The following ADAMTS9 variants were observed in gnomAD, a reference collection of about 807,000 sequenced individuals.
ADAMTS9 encodes the protein ADAM metallopeptidase with thrombospondin type 1 motif 9, also known as A disintegrin and metalloproteinase with thrombospondin motifs 9.
ADAMTS9 carries 107 observed loss-of-function variants against 257.1 expected under a neutral mutation model. The ratio of observed to expected loss-of-function variants is 0.42; its 90% CI spans 0.36 to 0.49. The LOEUF (loss-of-function observed/expected upper bound fraction) is 0.49, where lower values mean the gene tolerates loss of function less well. ADAMTS9 is among the 20% of genes least tolerant of loss of function. The probability of loss-of-function intolerance (pLI) is 0.03; values close to 1 mark genes in which losing one functional copy is unlikely to be tolerated. For synonymous variants in ADAMTS9, 982 were observed against 880.9 expected, an observed-to-expected ratio of 1.11 and a Z score of -2.03; for missense variants, 2,353 against 2,469.1, an observed-to-expected ratio of 0.95 and a Z score of 1.00.
intron 38 of ADAMTS9, among the ~76,000 whole-genome samples, chr3:64,531,232 T>C (rs912886524): frequency 6.6e-6 from 1 of 152,144 alleles, no homozygotes; most frequent in African/African-American, 2.4e-5. Context: ...TCCTGGAATG[T>C]CCCAATTGGA....
chr3:64,540,993 TGTG>T, intron 36 of ADAMTS9, 99 bp downstream of exon 36: 1 of 1,452,510 alleles, frequency 6.9e-7, no homozygotes, highest in Non-Finnish European at 9.4e-7. Context: ...CAATGTGCAA[TGTG>T]CAATACGCAC....
chr3:64,653,495 A>G (rs766369470), intron 8 of ADAMTS9, among the ~76,000 whole-genome samples: 4 of 152,188 alleles, frequency 2.6e-5, no homozygotes, highest in Non-Finnish European at 5.9e-5. Flanking sequence ...GTGTATATGC[A>G]TCTCCCTCTG....
chr3:64,634,504 G>C (rs1036210142), intron 12 of ADAMTS9, among the ~76,000 whole-genome samples: 2 of 152,204 alleles, frequency 1.3e-5, no homozygotes, highest in African/African-American at 4.8e-5. Context: ...GAGCATACTG[G>C]TTTCATTAGC....
chr3:64,576,992 C>T (rs564459713), intron 28 of ADAMTS9, among the ~76,000 whole-genome samples: 4 of 152,090 alleles, frequency 2.6e-5, no homozygotes, highest in Non-Finnish European at 2.9e-5. Context: ...CCCCAACCTT[C>T]GATCTCACAA....
chr3:64,655,080 C>T (rs1701028855), intron 6 of ADAMTS9, among the ~76,000 whole-genome samples: 1 of 152,144 alleles, frequency 6.6e-6, no homozygotes, highest in Non-Finnish European at 1.5e-5. Flanking sequence ...TAGTAGCTAC[C>T]ATAGAAAACT....
chr3:64,663,751 A>G lies in ADAMTS9; in HGVS notation c.680-4960T>C, dbSNP rs1701280798. Among the ~76,000 whole-genome samples the G allele has an allele frequency of 3.9e-5, 6 of 152,220 alleles. No individual in the cohort carries two copies. In the South Asian group the frequency reaches 1.2e-3, roughly 32 times the overall value. On this transcript the variant is annotated intron_variant, in intron 3 of 39. Coordinates refer to ENST00000498707, the MANE Select transcript of ADAMTS9 (RefSeq NM_182920.2). ...ACTTTAGGTGGCATGAAAATGTAAA[A>G]CCCAAATTATTTCTTCAGGATCAAA...
At chr3:64,645,504 G>T (rs1357160690) in intron 11 of ADAMTS9, among the ~76,000 whole-genome samples, 1 of 152,132 alleles carries the variant, frequency 6.6e-6, no homozygotes, top group Non-Finnish European at 1.5e-5. Flanking sequence ...GCAGCCAAGG[G>T]AGGCAGAATG....
chr3:64,627,385 GAA>G (rs10718029), intron 16 of ADAMTS9, among the ~76,000 whole-genome samples: 53 of 148,744 alleles, frequency 3.6e-4, no homozygotes, highest in African/African-American at 1.2e-3. Flanking sequence ...ATCATCAGAT[GAA>G]AAAAAAAAAT....
intron 37 of ADAMTS9, among the ~76,000 whole-genome samples, chr3:64,537,673 G>C (rs772328236): frequency 6.6e-6 from 1 of 152,162 alleles, no homozygotes; most frequent in Non-Finnish European, 1.5e-5. Flanking sequence ...GACAGGGCTT[G>C]GGATTCTGAA....
In ADAMTS9 at chr3:64,584,387, A is replaced by C. The variant is rs574333983; in HGVS notation, c.4356+9871T>G. The stretch of plus-strand genomic sequence containing the variant: ...GATGGGGAGGAGGGAGGAGGAGAGA[A>C]GGCTTAGGAAAGAGAAAATCATGGG... On this transcript the variant is annotated intron_variant, in intron 28 of 39. Transcript: ENST00000498707. 3.5e-4 allele frequency among the ~76,000 whole-genome samples: 54 copies of C among 152,164 alleles called. No individual in the cohort carries two copies. The South Asian group carries it at 7.9e-3, about 22-fold the overall frequency.
chr3:64,648,192 AAT>A, intron 10 of ADAMTS9, 148 bp from the exon 11 acceptor site: 1 of 709,274 alleles, frequency 1.4e-6, no homozygotes, highest in Non-Finnish European at 2.3e-6. Context: ...TAAATGCTAA[AAT>A]ATAGACAGCA....
At chr3:64,649,067 A>T (rs1233922500) in intron 10 of ADAMTS9, among the ~76,000 whole-genome samples, 3 of 152,172 alleles carry the variant, frequency 2.0e-5, no homozygotes, top group African/African-American at 7.2e-5. Flanking sequence ...CTGTAACCGG[A>T]TAACTGCTAG....
intron 12 of ADAMTS9, among the ~76,000 whole-genome samples, chr3:64,641,017 GCTGTCTCA>G (rs1158344984): frequency 1.3e-5 from 2 of 152,236 alleles, no homozygotes; most frequent in African/African-American, 2.4e-5. Flanking sequence ...GGGGACCTCA[GCTGTCTCA>G]CCTGTAATAC....
intron 22 of ADAMTS9, among the ~76,000 whole-genome samples, chr3:64,611,974 A>G (rs72890808): frequency 0.033 from 5,102 of 152,310 alleles, 232 homozygotes; most frequent in African/African-American, 0.1. Context: ...TTTCATTTCC[A>G]TTAAAACAAA....
chr3:64,629,971 T>A (rs1248569228), intron 16 of ADAMTS9, among the ~76,000 whole-genome samples: 1 of 152,258 alleles, frequency 6.6e-6, no homozygotes, highest in Non-Finnish European at 1.5e-5. Context: ...CAGCTGAATA[T>A]GTCCAAATGC....
At position 64,568,428 on chromosome 3, in the gene ADAMTS9, A is replaced by G. The variant is rs771292927; in HGVS notation, c.4464T>C (p.His1488=). ...SDYCKHLAKP[H]GHRKCRGGRC... ...TTCCTCCTCGGCACTTTCTGTGCCC[A>G]TGTGGCTTAGCCAGGTGCTTACAGT... The change falls in exon 29 of 40, where the codon CAT becomes CAC. Residue 1488 remains histidine (H), a synonymous_variant. Transcript: ENST00000498707. The G allele has an allele frequency of 3.1e-6, 5 of 1,613,796 alleles. No individual in the cohort carries two copies. In the Admixed American group the frequency reaches 6.7e-5, roughly 22 times the overall value.
chr3:64,565,295 G>T (rs911148385), intron 29 of ADAMTS9: 1 of 152,202 alleles, frequency 6.6e-6, no homozygotes, highest in African/African-American at 2.4e-5. Flanking sequence ...ATCAAGAATG[G>T]ATGGTAGATT....
At position 64,655,777 on chromosome 3, in the gene ADAMTS9, A is replaced by G. The variant is rs760809403; in HGVS notation, c.1053+15T>C. The G allele has an allele frequency of 1.3e-6, 2 of 1,569,466 alleles. No homozygotes were observed. Among genetic ancestry groups the G allele is most frequent in the East Asian group, 4.5e-5 (2 of 44,668 alleles). On this transcript the variant is annotated intron_variant, in intron 5 of 39. Coordinates refer to ENST00000498707, the MANE Select transcript of ADAMTS9 (RefSeq NM_182920.2). ...TCGGATACAGATAGAAGAAAAAAGA[A>G]AAAAACTTTATTACCTGTTCATTAT...
intron 19 of ADAMTS9, among the ~76,000 whole-genome samples, chr3:64,616,706 A>T (rs1015671071): frequency 6.6e-6 from 1 of 152,206 alleles, no homozygotes; most frequent in Non-Finnish European, 1.5e-5. Flanking sequence ...GAATATGATC[A>T]GCAGTGCTTA....
Sources: allele counts gnomAD v4.1 joint callset (sites outside exome capture counted in the v4.1 genomes callset), GRCh38; gene constraint gnomAD v4.1.1; transcripts MANE v1.5; gene names NCBI Gene and HGNC (gene_info 2026-07-23, HGNC 2026-07-21).